The following RNLS variants were observed in gnomAD, a reference collection of about 807,000 sequenced individuals.
RNLS encodes renalase, FAD dependent amine oxidase.
In RNLS, 39 loss-of-function variants were observed where a neutral mutation model predicts 39.8. The ratio of observed to expected loss-of-function variants is 0.98; its 90% confidence interval spans 0.76 to 1.28. The LOEUF (loss-of-function observed/expected upper bound fraction) is 1.28. Among genes scored for constraint, RNLS ranks in the 50% most tolerant of loss-of-function variants. The pLI is 0.00. For missense variants in RNLS, 410 were observed against 413.3 expected (o/e 0.99, Z 0.07); for synonymous variants, 147 against 150.7 (o/e 0.98, Z 0.18).
intron 4 of RNLS, among the ~76,000 whole-genome samples, chr10:88,480,292 A>G (rs547466977): frequency 1.5e-4 from 23 of 152,238 alleles, no homozygotes; most frequent in Non-Finnish European, 1.8e-4. Context: ...GGTTCTTCAA[A>G]GTTGAAAACC....
the RNLS span, among the ~76,000 whole-genome samples, chr10:88,178,725 T>A: frequency 1.3e-5 from 2 of 152,220 alleles, no homozygotes; most frequent in African/African-American, 4.8e-5. Context: ...AGGAGGCAAG[T>A]GCTGGGAGCT....
At chr10:88,412,620 T>C (rs1161991247) in intron 4 of RNLS, among the ~76,000 whole-genome samples, 2 of 152,124 alleles carry the variant, frequency 1.3e-5, no homozygotes, top group Non-Finnish European at 2.9e-5. Flanking sequence ...GGCAGTCATA[T>C]ATGGCGTCAT....
intron 4 of RNLS, among the ~76,000 whole-genome samples, chr10:88,509,474 G>A (rs1327736080): frequency 1.4e-5 from 2 of 147,496 alleles, no homozygotes; most frequent in African/African-American, 5.0e-5. Flanking sequence ...GAAGAGGAGA[G>A]GAGAGGGGAG....
At chr10:88,455,250 A>G (rs1444333553) in intron 4 of RNLS, among the ~76,000 whole-genome samples, 1 of 121,890 alleles carries the variant, frequency 8.2e-6, no homozygotes, top group African/African-American at 3.7e-5. Flanking sequence ...AATGATGGAC[A>G]ATCAAAGTAA....
intron 4 of RNLS, among the ~76,000 whole-genome samples, chr10:88,377,627 G>A (rs1036947287): frequency 6.6e-6 from 1 of 152,166 alleles, no homozygotes; most frequent in Admixed American, 6.6e-5. Flanking sequence ...ATACAGTGTA[G>A]AAGATAAACA....
chr10:88,271,723 G>T (rs1283534592), downstream of RNLS, among the ~76,000 whole-genome samples: 1 of 152,182 alleles, frequency 6.6e-6, no homozygotes, highest in African/African-American at 2.4e-5. Context: ...TGGTTGCCAA[G>T]TATGGGTTGC....
intron 4 of RNLS, among the ~76,000 whole-genome samples, chr10:88,465,491 T>C (rs1184012939): frequency 6.6e-6 from 1 of 152,060 alleles, no homozygotes; most frequent in Non-Finnish European, 1.5e-5. Context: ...GCTCAAGCTA[T>C]GTGCAGTGCC....
chr10:88,552,289 G>A (rs1848638776), intron 4 of RNLS, among the ~76,000 whole-genome samples: 1 of 152,126 alleles, frequency 6.6e-6, no homozygotes, highest in African/African-American at 2.4e-5. Context: ...AACAAAGCAG[G>A]GAAGCTCAGA....
chr10:88,419,823 G>A (rs1854282583), intron 4 of RNLS, among the ~76,000 whole-genome samples: 1 of 151,686 alleles, frequency 6.6e-6, no homozygotes, highest in South Asian at 2.1e-4. Context: ...TGGCCAGCAT[G>A]GTGAAACCCT....
the RNLS span, among the ~76,000 whole-genome samples, chr10:88,211,593 A>G: frequency 6.6e-6 from 1 of 152,202 alleles, no homozygotes; most frequent in East Asian, 1.9e-4. Context: ...AAGACAGGGG[A>G]AAAGACGGGA....
downstream of RNLS, among the ~76,000 whole-genome samples, chr10:88,271,811 G>A (rs1157792763): frequency 6.6e-6 from 1 of 152,196 alleles, no homozygotes; most frequent in Non-Finnish European, 1.5e-5. Context: ...TATAAGACCT[G>A]CTCTCTTGTT....
At chr10:88,461,634 C>T (rs73355417) in intron 4 of RNLS, among the ~76,000 whole-genome samples, 2,685 of 152,148 alleles carry the variant, frequency 0.018, 90 homozygotes, top group African/African-American at 0.06. Context: ...GCTGTTGGTC[C>T]CTGGAGGCAA....
At chr10:88,186,369 A>G in the RNLS span, among the ~76,000 whole-genome samples, 1 of 152,206 alleles carries the variant, frequency 6.6e-6, no homozygotes, top group Non-Finnish European at 1.5e-5. Flanking sequence ...CATATATCAT[A>G]TAGACGAACA....
intron 4 of RNLS, among the ~76,000 whole-genome samples, chr10:88,459,819 G>C (rs1194078954): frequency 6.6e-6 from 1 of 152,094 alleles, no homozygotes; most frequent in Non-Finnish European, 1.5e-5. Context: ...CACGATTAAA[G>C]GGCACTGAAT....
At chr10:88,236,561 A>G in the RNLS span, among the ~76,000 whole-genome samples, 1 of 152,250 alleles carries the variant, frequency 6.6e-6, no homozygotes, top group Non-Finnish European at 1.5e-5. Flanking sequence ...TGCTAGTCAG[A>G]GAGGTGGCAG....
intron 4 of RNLS, among the ~76,000 whole-genome samples, chr10:88,428,093 G>C (rs1854909341): frequency 6.6e-6 from 1 of 151,968 alleles, no homozygotes. Context: ...AAAGGGCAAA[G>C]ACTGTTGTTA....
At chr10:88,469,486 C>A (rs1843389105) in intron 4 of RNLS, among the ~76,000 whole-genome samples, 1 of 152,098 alleles carries the variant, frequency 6.6e-6, no homozygotes, top group Non-Finnish European at 1.5e-5. Context: ...ACGAGGGAAG[C>A]AGCAGCATTC....
chr10:88,366,643 G>A (rs1377378690), intron 4 of RNLS, among the ~76,000 whole-genome samples: 1 of 139,346 alleles, frequency 7.2e-6, no homozygotes, highest in Non-Finnish European at 1.5e-5. Context: ...TGAGAGATTA[G>A]GGGAGAAAGT....
the RNLS span, among the ~76,000 whole-genome samples, chr10:88,267,915 G>C: frequency 6.6e-5 from 10 of 152,142 alleles, no homozygotes; most frequent in Non-Finnish European, 1.0e-4. Context: ...GAGAAATTTT[G>C]ATTTTAAATA....
Sources: allele counts gnomAD v4.1 joint callset (sites outside exome capture counted in the v4.1 genomes callset), GRCh38; gene constraint gnomAD v4.1.1; transcripts MANE v1.5; gene names NCBI Gene and HGNC (gene_info 2026-07-23, HGNC 2026-07-21).